The following TENM1 variants were observed in gnomAD, a reference collection of about 807,000 sequenced individuals.
The protein encoded by TENM1 is teneurin-1.
TENM1 carries 35 observed loss-of-function variants against 174.8 expected under a neutral mutation model. That is an observed-to-expected ratio of 0.20 (90% CI 0.15 to 0.27). TENM1 has a LOEUF of 0.27. Ranked by LOEUF, TENM1 falls within the 10% of genes least tolerant of loss-of-function variation. The pLI is 1.00. For missense variants in TENM1, 1,633 were observed against 2,130.1 expected, an observed-to-expected ratio of 0.77 and a Z score of 4.59; for synonymous variants, 781 against 798.7, an observed-to-expected ratio of 0.98 and a Z score of 0.37.
intron 3 of TENM1, among the ~76,000 whole-genome samples, chrX:124,851,824 T>G (rs2056724418): frequency 9.0e-6 from 1 of 111,557 alleles, no homozygotes; most frequent in African/African-American, 3.2e-5. Context: ...ACTATCTTAA[T>G]TACTTGAGGG....
chrX:124,504,882 C>G (rs2047411555), intron 18 of TENM1, among the ~76,000 whole-genome samples: 1 of 90,600 alleles, frequency 1.1e-5, no homozygotes, highest in Non-Finnish European at 2.0e-5. Context: ...TTTAGTCAAA[C>G]TGATTTGTGT....
At chrX:125,075,147 C>A in the TENM1 span, among the ~76,000 whole-genome samples, 2 of 111,581 alleles carry the variant, frequency 1.8e-5, no homozygotes, top group Admixed American at 9.5e-5. Flanking sequence ...TGTTACCATA[C>A]CCCACCCTTG....
At chrX:125,032,414 T>A in the TENM1 span, among the ~76,000 whole-genome samples, 2 of 110,611 alleles carry the variant, frequency 1.8e-5, no homozygotes, top group Non-Finnish European at 3.8e-5. Flanking sequence ...AGGTGATCCA[T>A]CCGCCTCGGC....
intron 3 of TENM1, among the ~76,000 whole-genome samples, chrX:124,782,108 T>C (rs1011757427): frequency 9.0e-6 from 1 of 111,530 alleles, no homozygotes; most frequent in African/African-American, 3.3e-5. Flanking sequence ...AAGCCATGTG[T>C]TAAAGACAGT....
the TENM1 span, among the ~76,000 whole-genome samples, chrX:125,134,470 C>G: frequency 2.9e-4 from 33 of 112,196 alleles, no homozygotes; most frequent in African/African-American, 9.4e-4. Context: ...CATGCTTAAT[C>G]CTCTGGATGC....
the TENM1 span, among the ~76,000 whole-genome samples, chrX:125,065,107 C>A: frequency 9.0e-6 from 1 of 111,657 alleles, no homozygotes; most frequent in Non-Finnish European, 1.9e-5. Flanking sequence ...CCAGCACAAT[C>A]CAGAAGACAA....
intron 22 of TENM1, among the ~76,000 whole-genome samples, chrX:124,466,542 A>G (rs1048228612): frequency 8.9e-6 from 1 of 111,986 alleles, no homozygotes; most frequent in African/African-American, 3.2e-5. Flanking sequence ...CATTCAATAC[A>G]TTATTTGAAT....
chrX:125,086,021 G>A, the TENM1 span, among the ~76,000 whole-genome samples: 1 of 110,715 alleles, frequency 9.0e-6, no homozygotes, highest in African/African-American at 3.3e-5. Flanking sequence ...TAGGTGTTGA[G>A]TGTAAAGTAA....
chrX:124,568,893 T>C (rs1434917875), intron 11 of TENM1, among the ~76,000 whole-genome samples: 3 of 111,414 alleles, frequency 2.7e-5, no homozygotes, highest in African/African-American at 6.5e-5. Context: ...AAAAATTGAA[T>C]TGATAATGGC....
intron 29 of TENM1, 107 bp downstream of exon 32, chrX:124,385,570 G>T: frequency 1.4e-6 from 1 of 728,455 alleles, no homozygotes; most frequent in Non-Finnish European, 2.0e-6. Flanking sequence ...GTGAAAGTTG[G>T]GTTGAATGTG....
intron 20 of TENM1, among the ~76,000 whole-genome samples, chrX:124,495,853 G>C (rs942257247): frequency 2.9e-5 from 3 of 103,857 alleles, no homozygotes; most frequent in African/African-American, 1.1e-4. Flanking sequence ...TTTCTTCACA[G>C]AATTGGAAAA....
intron 4 of TENM1, among the ~76,000 whole-genome samples, chrX:124,736,218 A>G (rs980216755): frequency 2.8e-4 from 32 of 112,573 alleles, no homozygotes; most frequent in Non-Finnish European, 3.2e-4. Flanking sequence ...ATAAAGTTGT[A>G]ATGTTTGATT....
chrX:124,450,131 C>T (rs769302738), intron 23 of TENM1, among the ~76,000 whole-genome samples: 4 of 110,423 alleles, frequency 3.6e-5, no homozygotes, highest in South Asian at 7.9e-4. Flanking sequence ...ATGAGTCTCA[C>T]GAGATCTGAT....
chrX:125,153,836 GAAAT>G, the TENM1 span, among the ~76,000 whole-genome samples: 1 of 112,394 alleles, frequency 8.9e-6, no homozygotes, highest in Non-Finnish European at 1.9e-5. Context: ...CAATGACACA[GAAAT>G]CTCTTACATA....
At chrX:124,434,504 C>T (rs899584212) in intron 23 of TENM1, among the ~76,000 whole-genome samples, 5 of 112,119 alleles carry the variant, frequency 4.5e-5, no homozygotes, top group Admixed American at 1.9e-4. Context: ...TCAGCACGTA[C>T]ACACTCTCTC....
At chrX:124,566,324 C>T (rs1274341809) in intron 11 of TENM1, among the ~76,000 whole-genome samples, 1 of 112,268 alleles carries the variant, frequency 8.9e-6, no homozygotes, top group African/African-American at 3.2e-5. Flanking sequence ...TCTTCAAATG[C>T]TACTAAGTAT....
the TENM1 span, among the ~76,000 whole-genome samples, chrX:125,043,342 A>T: frequency 1.3e-3 from 57 of 44,943 alleles, no homozygotes; most frequent in South Asian, 4.3e-3. Context: ...ACCCATCAAA[A>T]AGTGGGCGAA....
intron 3 of TENM1, among the ~76,000 whole-genome samples, chrX:124,853,936 G>A (rs1431946391): frequency 9.0e-6 from 1 of 111,233 alleles, no homozygotes; most frequent in Non-Finnish European, 1.9e-5. Flanking sequence ...GTGTCAATGA[G>A]TTCACGGTTG....
intron 3 of TENM1, among the ~76,000 whole-genome samples, chrX:124,758,851 A>G (rs1378224210): frequency 8.9e-6 from 1 of 111,795 alleles, no homozygotes; most frequent in Non-Finnish European, 1.9e-5. Context: ...CTTAGAAAGT[A>G]CTAATAGTGA....
Sources: gnomAD v4.1 joint callset for allele counts (sites outside exome capture counted in the v4.1 genomes callset) on GRCh38, gnomAD v4.1.1 for gene constraint, MANE v1.5 for transcripts, NCBI Gene and HGNC (gene_info 2026-07-23, HGNC 2026-07-21) for gene names.